TMCO1: variants seen among roughly 807,000 people sequenced by gnomAD.
TMCO1 encodes transmembrane and coiled-coil domains 1.
TMCO1 carries 29 observed loss-of-function variants against 29.3 expected under a neutral mutation model. That is an observed-to-expected ratio of 0.99 (90% CI 0.74 to 1.35). TMCO1 has a LOEUF of 1.35. Ranked by LOEUF, TMCO1 falls within the 40% of genes most tolerant of loss-of-function variation. The pLI, the probability that TMCO1 is intolerant of heterozygous loss-of-function variation, is 0.00. For missense variants in TMCO1, 173 were observed against 225.5 expected, an observed-to-expected ratio of 0.77 and a Z score of 1.49; for synonymous variants, 80 against 77.1, an observed-to-expected ratio of 1.04 and a Z score of -0.20.
intron 2 of TMCO1, among the ~76,000 whole-genome samples, chr1:165,760,024 TCCC>T (rs1177885370): frequency 1.3e-5 from 2 of 152,104 alleles, no homozygotes; most frequent in East Asian, 3.9e-4. Flanking sequence ...AAAAAAATGA[TCCC>T]TACCTTCTAA....
At chr1:165,744,739 G>A (rs902239274) in intron 5 of TMCO1, among the ~76,000 whole-genome samples, 3 of 141,610 alleles carry the variant, frequency 2.1e-5, no homozygotes, top group Admixed American at 1.5e-4. Context: ...GTGGTGAGCC[G>A]AGATCATGCC....
chr1:165,740,311 C>G (rs559540414), intron 6 of TMCO1, among the ~76,000 whole-genome samples: 1 of 151,924 alleles, frequency 6.6e-6, no homozygotes, highest in African/African-American at 2.4e-5. Context: ...CACCATTCTC[C>G]TGCCTCAGTC....
intron 5 of TMCO1, among the ~76,000 whole-genome samples, chr1:165,744,846 T>G (rs1651734722): frequency 6.6e-6 from 1 of 151,394 alleles, no homozygotes; most frequent in East Asian, 1.9e-4. Flanking sequence ...TTCAACTTTA[T>G]GTAAATGATT....
In TMCO1 at chr1:165,745,325, C is replaced by T. The variant is rs558440828; in HGVS notation, c.324-2014G>A. ...GGAATGAGCCACCACTCTTGGCTTA[C>T]ATAATCTTTTAGTATCCCTTATAGT... On this transcript the variant is annotated intron_variant, in intron 5 of 6. Coordinates refer to ENST00000367881, the MANE Select transcript of TMCO1 (RefSeq NM_019026.6). Among the ~76,000 whole-genome samples, 19 of 149,470 alleles carry T rather than the reference C, an allele frequency of 1.3e-4. No individual in the cohort carries two copies. In the South Asian group the frequency reaches 3.9e-3, roughly 31 times the overall value.
Position 165,768,252 on chromosome 1 carries a change from C to T in TMCO1, c.88G>A (p.Val30Ile). ...CTCTTGTACTTGTCTGTCCTGTAAACCAGGACCCAGGTTATGCCTAAAACA... is the reference window on the plus strand; with the variant it reads ...CTCTTGTACTTGTCTGTCCTGTAAATCAGGACCCAGGTTATGCCTAAAACA... The part of the protein sequence containing the change: ...LLAEGITWVL[V>I]YRTDKYKRLK... Residue 30 changes from valine to isoleucine, a missense_variant, in exon 2 of 7, where the codon GTT (valine) becomes ATT (isoleucine). Physicochemically the swap from Val to Ile is conservative, Grantham distance 29. Transcript: ENST00000367881. The T allele has an allele frequency of 1.2e-6, 2 of 1,613,872 alleles. No homozygotes were observed. Among genetic ancestry groups the T allele is most frequent in the Non-Finnish European group, 1.7e-6 (2 of 1,179,880 alleles).
intron 2 of TMCO1, among the ~76,000 whole-genome samples, chr1:165,762,691 C>A (rs1652438759): frequency 6.6e-6 from 1 of 152,170 alleles, no homozygotes; most frequent in Non-Finnish European, 1.5e-5. Context: ...ACATTTCTGT[C>A]CATGATCTGT....
At chr1:165,728,142 G>C in intron 6 of TMCO1, 21 bp from the exon 7 acceptor site, 1 of 1,590,512 alleles carries the variant, frequency 6.3e-7, no homozygotes, top group South Asian at 1.1e-5. Context: ...AGCACAGTAA[G>C]GATTGGGTTT....
chr1:165,746,459 A>T (rs1242699277), intron 5 of TMCO1, among the ~76,000 whole-genome samples: 1,720 of 145,410 alleles, frequency 0.012, 42 homozygotes, highest in African/African-American at 0.042. Flanking sequence ...TATATCACAC[A>T]CACACACACA....
intron 1 of TMCO1, 51 bp downstream of exon 1, chr1:165,768,631 G>A (rs1652672418): frequency 6.2e-7 from 1 of 1,613,606 alleles, no homozygotes; most frequent in East Asian, 2.2e-5. Flanking sequence ...GGGACCCCGG[G>A]GCCCTTCCTC....
At chr1:165,751,541 T>C (rs1651992877) in intron 5 of TMCO1, among the ~76,000 whole-genome samples, 2 of 151,754 alleles carry the variant, frequency 1.3e-5, no homozygotes, top group Non-Finnish European at 2.9e-5. Context: ...CCGTCTCTAC[T>C]AAAAATACAA....
intron 6 of TMCO1, among the ~76,000 whole-genome samples, chr1:165,730,266 G>C (rs1056061217): frequency 1.3e-5 from 2 of 152,064 alleles, no homozygotes; most frequent in African/African-American, 4.8e-5. Flanking sequence ...AACCCCAGGG[G>C]GCGGAGCCTG....
At chr1:165,748,945 T>C (rs1436270711) in intron 5 of TMCO1, among the ~76,000 whole-genome samples, 1 of 152,198 alleles carries the variant, frequency 6.6e-6, no homozygotes, top group East Asian at 1.9e-4. Context: ...GTATACAGCC[T>C]TTTTGGAAGA....
At chr1:165,738,530 TAGC>T (rs1455383131) in intron 6 of TMCO1, among the ~76,000 whole-genome samples, 7 of 152,170 alleles carry the variant, frequency 4.6e-5, no homozygotes, top group Non-Finnish European at 1.5e-5. Context: ...CATGTGGAAA[TAGC>T]AGGCTAATAA....
intron 6 of TMCO1, among the ~76,000 whole-genome samples, chr1:165,738,541 T>C (rs1478578852): frequency 6.6e-6 from 1 of 152,180 alleles, no homozygotes; most frequent in East Asian, 1.9e-4. Context: ...AGCAGGCTAA[T>C]AAGGATTTTA....
Position 165,768,803 on chromosome 1 carries a change from G to A in TMCO1, c.-52C>T. On this transcript the variant is annotated 5_prime_UTR_variant, in exon 1 of 7. Transcript: ENST00000367881. The stretch of plus-strand genomic sequence containing the variant: ...CCCGCCAGGGGGAAAGCGCTCTACA[G>A]CCAGGAAAAGTGAAGCGAAAACGGC... 1.2e-6 allele frequency: 2 copies of A among 1,612,834 alleles called. No homozygotes were observed. Among genetic ancestry groups the A allele is most frequent in the Non-Finnish European group, 1.7e-6 (2 of 1,179,416 alleles).
In TMCO1 at chr1:165,743,552, C is replaced by G. The variant is rs1210261510; in HGVS notation, c.324-241G>C. On this transcript the variant is annotated intron_variant, in intron 5 of 6. Coordinates refer to ENST00000367881, the MANE Select transcript of TMCO1 (RefSeq NM_019026.6). Reference sequence around the variant, plus strand: ...TCTCAATTCTTTTGGTATCAAGACCCCTTTATATACTGACAAATTATTTAG... The same window carrying G: ...TCTCAATTCTTTTGGTATCAAGACCGCTTTATATACTGACAAATTATTTAG... Among the ~76,000 whole-genome samples the G allele has an allele frequency of 2.0e-5, 3 of 152,090 alleles. No homozygotes were observed. In the East Asian group the frequency reaches 5.8e-4, roughly 29 times the overall value.
chr1:165,768,514 A>T (rs1652666492), intron 1 of TMCO1, 168 bp downstream of exon 1: 6 of 1,549,694 alleles, frequency 3.9e-6, no homozygotes, highest in Non-Finnish European at 5.2e-6. Context: ...AATCGACTCC[A>T]TACTCCCCTC....
intron 6 of TMCO1, among the ~76,000 whole-genome samples, chr1:165,738,346 CA>C (rs1336208640): frequency 6.6e-6 from 1 of 152,154 alleles, no homozygotes; most frequent in Non-Finnish European, 1.5e-5. Context: ...ATTTCTTTGC[CA>C]ATGGCATTCA....
intron 6 of TMCO1, among the ~76,000 whole-genome samples, chr1:165,732,505 C>CTCTATA (rs969853408): frequency 7.5e-6 from 1 of 133,820 alleles, no homozygotes; most frequent in East Asian, 2.1e-4. Flanking sequence ...CTCTCTCTCT[C>CTCTATA]TATATATATA....
Sources: allele counts gnomAD v4.1 joint callset (sites outside exome capture counted in the v4.1 genomes callset), GRCh38; gene constraint gnomAD v4.1.1; transcripts MANE v1.5; gene names NCBI Gene and HGNC (gene_info 2026-07-23, HGNC 2026-07-21).